TPRG1: variants seen among roughly 807,000 people sequenced by gnomAD.
The protein encoded by TPRG1 is tumor protein p63-regulated gene 1 protein.
Under a neutral mutation model 29.3 loss-of-function variants are expected in TPRG1, and 29 were observed. That is an observed-to-expected ratio of 0.99 (90% CI 0.74 to 1.35). The LOEUF (loss-of-function observed/expected upper bound fraction) is 1.35, where lower values mean the gene tolerates loss of function less well. Among genes scored for constraint, TPRG1 ranks in the 40% most tolerant of loss-of-function variants. The pLI, the probability that TPRG1 is intolerant of heterozygous loss-of-function variation, is 0.00. For missense variants in TPRG1, 327 were observed against 335.0 expected, an observed-to-expected ratio of 0.98 and a Z score of 0.19; for synonymous variants, 130 against 116.8, an observed-to-expected ratio of 1.11 and a Z score of -0.73.
chr3:189,124,744 A>AT (rs1290232468), intron 1 of TPRG1, among the ~76,000 whole-genome samples: 1 of 152,040 alleles, frequency 6.6e-6, no homozygotes, highest in Admixed American at 6.5e-5. Context: ...AGTAATCTTT[A>AT]TTTTTTCCTC....
intron 3 of TPRG1, among the ~76,000 whole-genome samples, chr3:189,235,240 G>A (rs1310999430): frequency 8.8e-6 from 1 of 113,960 alleles, no homozygotes; most frequent in Non-Finnish European, 1.8e-5. Flanking sequence ...TTTTTCCAAA[G>A]GATCCCCTCA....
At chr3:189,277,318 C>G (rs1025784919) in intron 4 of TPRG1, among the ~76,000 whole-genome samples, 5 of 152,070 alleles carry the variant, frequency 3.3e-5, no homozygotes, top group African/African-American at 1.2e-4. Flanking sequence ...GCACACAACA[C>G]CTCATACCAT....
At chr3:189,148,817 T>C (rs1431416014) in intron 4 of TPRG1, among the ~76,000 whole-genome samples, 1 of 152,262 alleles carries the variant, frequency 6.6e-6, no homozygotes, top group Non-Finnish European at 1.5e-5. Flanking sequence ...AAACCCACTA[T>C]GTGAAATGGA....
At chr3:189,302,575 A>G (rs1029125799) in intron 4 of TPRG1, among the ~76,000 whole-genome samples, 1 of 152,226 alleles carries the variant, frequency 6.6e-6, no homozygotes, top group Non-Finnish European at 1.5e-5. Context: ...CAGTGGAAAG[A>G]AAGTTATCAC....
At chr3:189,269,150 A>G (rs1714651166) in intron 4 of TPRG1, among the ~76,000 whole-genome samples, 1 of 151,566 alleles carries the variant, frequency 6.6e-6, no homozygotes, top group East Asian at 1.9e-4. Context: ...AAGCACACAG[A>G]AAAAAAAGGC....
chr3:189,001,462 C>A (rs746680552), intron 2 of TPRG1, among the ~76,000 whole-genome samples: 2 of 152,126 alleles, frequency 1.3e-5, no homozygotes, highest in Non-Finnish European at 2.9e-5. Context: ...TAGGCTGAAC[C>A]TTTGCTCACT....
chr3:189,154,059 C>T (rs1382891069), intron 5 of TPRG1, among the ~76,000 whole-genome samples: 1 of 152,204 alleles, frequency 6.6e-6, no homozygotes, highest in Non-Finnish European at 1.5e-5. Context: ...GTAGAGCACA[C>T]ATTTATCATT....
intron 4 of TPRG1, among the ~76,000 whole-genome samples, chr3:189,048,368 G>T (rs1222835529): frequency 2.0e-5 from 3 of 152,046 alleles, no homozygotes; most frequent in African/African-American, 7.3e-5. Context: ...TTATCAATCA[G>T]GCTTTTTGTT....
intron 2 of TPRG1, among the ~76,000 whole-genome samples, chr3:189,131,542 C>T (rs1005504949): frequency 3.0e-4 from 45 of 152,188 alleles, no homozygotes; most frequent in African/African-American, 1.1e-3. Flanking sequence ...CTTTATATTA[C>T]TGAGCACTTT....
At chr3:189,247,981 G>A (rs1741605821) in intron 4 of TPRG1, among the ~76,000 whole-genome samples, 1 of 150,524 alleles carries the variant, frequency 6.6e-6, no homozygotes. Context: ...TTTTTAATTG[G>A]GCTATCCTTG....
chr3:189,040,969 C>T (rs962944981), intron 4 of TPRG1, among the ~76,000 whole-genome samples: 6 of 152,156 alleles, frequency 3.9e-5, no homozygotes, highest in African/African-American at 1.4e-4. Context: ...CCTGGTCGCC[C>T]CTCCACAGTC....
chr3:189,299,064 TTTTTC>T (rs71634090), intron 4 of TPRG1, among the ~76,000 whole-genome samples: 71,671 of 151,062 alleles, frequency 0.47, 19,030 homozygotes, highest in African/African-American at 0.71. Flanking sequence ...GGGTTTTTTT[TTTTTC>T]TGAGAATTTT....
intron 2 of TPRG1, among the ~76,000 whole-genome samples, chr3:189,002,030 A>G (rs1202404533): frequency 6.6e-6 from 1 of 152,250 alleles, no homozygotes; most frequent in Non-Finnish European, 1.5e-5. Context: ...CAAGTTGCCC[A>G]GGACAGCACA....
At chr3:189,139,941 A>C (rs562210116) in intron 3 of TPRG1, among the ~76,000 whole-genome samples, 1 of 152,292 alleles carries the variant, frequency 6.6e-6, no homozygotes, top group Admixed American at 6.5e-5. Context: ...CTAAAAAACC[A>C]CTAAAGGAAC....
intron 5 of TPRG1, among the ~76,000 whole-genome samples, chr3:189,153,030 G>A (rs796740490): frequency 1.3e-5 from 2 of 152,334 alleles, no homozygotes; most frequent in African/African-American, 4.8e-5. Flanking sequence ...TTAGAGGAAA[G>A]ATATCAGACA....
chr3:189,055,989 C>T (rs550457190), intron 4 of TPRG1, among the ~76,000 whole-genome samples: 1 of 151,930 alleles, frequency 6.6e-6, no homozygotes, highest in Admixed American at 6.5e-5. Flanking sequence ...AATGTCACCT[C>T]TTGTATGAGG....
intron 5 of TPRG1, chr3:189,315,795 A>G (rs545597466): frequency 5.4e-6 from 1 of 186,458 alleles, no homozygotes; most frequent in African/African-American, 2.4e-5. Context: ...ACCAAGAAGA[A>G]TAAAACTGAT....
At chr3:189,259,313 C>G (rs534319298) in intron 4 of TPRG1, among the ~76,000 whole-genome samples, 15 of 151,832 alleles carry the variant, frequency 9.9e-5, no homozygotes, top group Non-Finnish European at 2.1e-4. Flanking sequence ...TCTGCTTGCC[C>G]TCTGTGGGCT....
intron 2 of TPRG1, among the ~76,000 whole-genome samples, chr3:189,127,468 C>T (rs1722617037): frequency 6.6e-6 from 1 of 152,168 alleles, no homozygotes; most frequent in South Asian, 2.1e-4. Flanking sequence ...TATATTATAA[C>T]CAATGTGCCA....
Sources: gnomAD v4.1 joint callset for allele counts (sites outside exome capture counted in the v4.1 genomes callset) on GRCh38, gnomAD v4.1.1 for gene constraint, MANE v1.5 for transcripts, NCBI Gene and HGNC (gene_info 2026-07-23, HGNC 2026-07-21) for gene names.